The following NME7 variants were observed in gnomAD, a reference collection of about 807,000 sequenced individuals.
The protein encoded by NME7 is nucleoside diphosphate kinase 7.
A neutral mutation model predicts 49.1 loss-of-function variants in NME7; 41 were observed. The observed-to-expected ratio is 0.83, with a 90% CI of 0.65 to 1.08. NME7 has a LOEUF of 1.08. NME7 is among the 50% of genes least tolerant of loss of function. The pLI is 0.00. For synonymous variants in NME7, 139 were observed against 150.6 expected, an observed-to-expected ratio of 0.92 and a Z score of 0.56; for missense variants, 423 against 463.4, an observed-to-expected ratio of 0.91 and a Z score of 0.80.
intron 10 of NME7, among the ~76,000 whole-genome samples, chr1:169,215,535 G>T (rs1660951627): frequency 1.3e-5 from 2 of 151,612 alleles, no homozygotes; most frequent in Non-Finnish European, 2.9e-5. Context: ...TATTTATTTT[G>T]TTGTAAAGAG....
intron 1 of NME7, among the ~76,000 whole-genome samples, chr1:169,357,138 G>GTAT (rs549775014): frequency 1.8e-4 from 28 of 151,652 alleles, no homozygotes; most frequent in African/African-American, 3.6e-4. Context: ...AAGGGAACTA[G>GTAT]TATTATTATT....
chr1:169,336,546 A>G (rs1409194771), intron 1 of NME7, among the ~76,000 whole-genome samples: 1 of 152,182 alleles, frequency 6.6e-6, no homozygotes, highest in Non-Finnish European at 1.5e-5. Flanking sequence ...CCAAGTCCCC[A>G]CCAGAGCAGC....
chr1:169,136,445 A>T (rs1430987999), intron 11 of NME7, among the ~76,000 whole-genome samples: 1 of 152,204 alleles, frequency 6.6e-6, no homozygotes, highest in Non-Finnish European at 1.5e-5. Context: ...TTCATTTGCA[A>T]ATTTCTCCTG....
chr1:169,339,598 G>T (rs1294879541), intron 1 of NME7, among the ~76,000 whole-genome samples: 1 of 152,154 alleles, frequency 6.6e-6, no homozygotes, highest in Non-Finnish European at 1.5e-5. Flanking sequence ...CAAACACACT[G>T]AGCCAAGTCT....
At chr1:169,237,008 C>T (rs984523188) in intron 8 of NME7, among the ~76,000 whole-genome samples, 19 of 152,030 alleles carry the variant, frequency 1.2e-4, no homozygotes, top group African/African-American at 3.6e-4. Flanking sequence ...CCGATGAGTA[C>T]AGCACAAAGG....
chr1:169,221,948 G>C (rs1661155870), intron 10 of NME7, among the ~76,000 whole-genome samples: 1 of 152,002 alleles, frequency 6.6e-6, no homozygotes, highest in Non-Finnish European at 1.5e-5. Flanking sequence ...TTTTTAAATA[G>C]AGACAGGGTC....
intron 7 of NME7, among the ~76,000 whole-genome samples, chr1:169,246,020 T>A (rs1350227858): frequency 1.3e-5 from 2 of 152,168 alleles, no homozygotes; most frequent in African/African-American, 2.4e-5. Context: ...GCTACAAATG[T>A]CTATGGTTTT....
At chr1:169,330,677 CTAAA>C (rs745642403) in intron 1 of NME7, among the ~76,000 whole-genome samples, 11 of 151,486 alleles carry the variant, frequency 7.3e-5, no homozygotes, top group African/African-American at 9.7e-5. Context: ...GACTCTGTCT[CTAAA>C]TAAATAAATA....
At chr1:169,159,137 C>G (rs1292571935) in intron 11 of NME7, among the ~76,000 whole-genome samples, 2 of 152,078 alleles carry the variant, frequency 1.3e-5, no homozygotes, top group African/African-American at 2.4e-5. Context: ...TTTGGAAAAG[C>G]TTAAAGGTGG....
chr1:169,367,160 GAAAGA>G (rs1328912597), intron 1 of NME7, among the ~76,000 whole-genome samples: 7 of 151,508 alleles, frequency 4.6e-5, no homozygotes, highest in African/African-American at 7.3e-5. Flanking sequence ...AAAAGAAGAA[GAAAGA>G]AAAGAAAAGA....
At chr1:169,219,853 G>C (rs4445529) in intron 10 of NME7, among the ~76,000 whole-genome samples, 57,385 of 152,038 alleles carry the variant, frequency 0.38, 11,541 homozygotes, top group East Asian at 0.79. Context: ...AATAGATAAT[G>C]ACAGTTGAAA....
intron 7 of NME7, among the ~76,000 whole-genome samples, chr1:169,273,219 C>A (rs1411156656): frequency 7.6e-6 from 1 of 131,660 alleles, no homozygotes; most frequent in South Asian, 2.3e-4. Flanking sequence ...AGCCTCCCAC[C>A]CCCTGACAGG....
chr1:169,185,237 C>A (rs1031956462), intron 10 of NME7, among the ~76,000 whole-genome samples: 1 of 152,156 alleles, frequency 6.6e-6, no homozygotes, highest in Non-Finnish European at 1.5e-5. Flanking sequence ...AAATAAGACA[C>A]GACAATTCAA....
intron 7 of NME7, among the ~76,000 whole-genome samples, chr1:169,271,958 A>G (rs78841712): frequency 0.018 from 2,385 of 132,010 alleles, 291 homozygotes; most frequent in African/African-American, 0.057. Flanking sequence ...TTTAATCTGA[A>G]CTGGGTTAAT....
chr1:169,353,317 T>C (rs1266339553), intron 1 of NME7, among the ~76,000 whole-genome samples: 1 of 152,028 alleles, frequency 6.6e-6, no homozygotes, highest in African/African-American at 2.4e-5. Flanking sequence ...CAATAAATGG[T>C]ACTGGAAAAA....
chr1:169,310,833 C>T (rs1369595108), intron 3 of NME7: 2 of 152,150 alleles, frequency 1.3e-5, no homozygotes, highest in East Asian at 1.9e-4. Flanking sequence ...ACCCAGTTTA[C>T]CAGACTCCTA....
chr1:169,152,362 A>G (rs1194701754), intron 11 of NME7, among the ~76,000 whole-genome samples: 2 of 152,184 alleles, frequency 1.3e-5, no homozygotes, highest in African/African-American at 2.4e-5. Context: ...AGATGAGGCA[A>G]TTCAGGCACA....
intron 7 of NME7, among the ~76,000 whole-genome samples, chr1:169,276,898 C>T (rs1449237673): frequency 2.7e-5 from 4 of 148,946 alleles, no homozygotes; most frequent in Non-Finnish European, 4.5e-5. Flanking sequence ...TCTTTGTTCT[C>T]GTTGGTTTCA....
intron 10 of NME7, among the ~76,000 whole-genome samples, chr1:169,178,041 G>A (rs918143309): frequency 5.9e-5 from 9 of 151,978 alleles, no homozygotes; most frequent in African/African-American, 2.2e-4. Flanking sequence ...AGGTTTCACC[G>A]TGTTAGCCAG....
Sources: allele counts gnomAD v4.1 joint callset (sites outside exome capture counted in the v4.1 genomes callset), GRCh38; gene constraint gnomAD v4.1.1; transcripts MANE v1.5; gene names NCBI Gene and HGNC (gene_info 2026-07-23, HGNC 2026-07-21).